The following ZNF839 variants were observed in gnomAD, a reference collection of about 807,000 sequenced individuals.
The protein encoded by ZNF839 is zinc finger protein 839, also known as renal carcinoma antigen NY-REN-50.
In ZNF839, 38 loss-of-function variants were observed where a neutral mutation model predicts 56.4. The ratio of observed to expected loss-of-function variants is 0.67; its 90% CI spans 0.52 to 0.88. The LOEUF is 0.88. ZNF839 is among the 40% of genes least tolerant of loss of function. The probability of loss-of-function intolerance (pLI) is 0.00; values close to 1 mark genes in which losing one functional copy is unlikely to be tolerated. For missense variants in ZNF839, 1,091 were observed against 1,177.6 expected (o/e 0.93, Z 1.08); for synonymous variants, 486 against 493.5 (o/e 0.98, Z 0.20).
At chr14:102,339,245 T>TG in intron 7 of ZNF839, 22 bp downstream of exon 7, 4 of 1,606,358 alleles carry the variant, frequency 2.5e-6, no homozygotes, top group Non-Finnish European at 3.4e-6. Flanking sequence ...ATGCTGTTTG[T>TG]GGGGTGTATC....
chr14:102,326,182 G>A lies in ZNF839; in HGVS notation c.486G>A (p.Gln162=). Residue 162 remains glutamine, a synonymous_variant, in exon 2 of 8, where the codon CAG becomes CAA. Transcript: ENST00000442396. This position sits in a 1 kb window ranked among gnomAD's most constrained non-coding sequence, Gnocchi z 4.3. ...RVQPLVRTEP[Q]SCFLSDLCQP... ...AGCCGCTTGTGAGAACCGAGCCACAGTCCTGCTTCCTAAGTGACTTATGCC... is the reference window on the plus strand; with the variant it reads ...AGCCGCTTGTGAGAACCGAGCCACAATCCTGCTTCCTAAGTGACTTATGCC... The A allele has an allele frequency of 6.2e-7, 1 of 1,613,816 alleles. No homozygotes were observed. The highest frequency in any genetic ancestry group is 8.5e-7 in the Non-Finnish European group (1 of 1,179,776).
Position 102,328,076 on chromosome 14 carries a change from C to T in ZNF839, c.1191+1189C>T, listed in dbSNP as rs140920266. On this transcript the variant is annotated intron_variant, in intron 2 of 7. Coordinates refer to ENST00000442396, the MANE Select transcript of ZNF839 (RefSeq NM_018335.6). ...TTTTTTCTAAAATATTTTATTGAGC[C>T]GGGTGCAGTGGCTCACACCTGTAAT... Among the ~76,000 whole-genome samples, 498 of 151,800 alleles carry T rather than the reference C, an allele frequency of 3.3e-3. 4 individuals carry two copies. Among genetic ancestry groups the T allele is most frequent in the African/African-American group, 0.011 (441 of 41,392 alleles).
rs774645474 is a variant in ZNF839, at chr14:102,326,428, A to G, written c.732A>G (p.Leu244=). Residue 244 remains leucine, a synonymous_variant, in exon 2 of 8, where the codon TTA becomes TTG. Coordinates refer to ENST00000442396, the MANE Select transcript of ZNF839 (RefSeq NM_018335.6). The surrounding 1 kb of genome is among the most constrained non-coding windows in gnomAD (Gnocchi z 4.3). ...ATACTGAGAAACTAAAAAAATCGTT[A>G]AAAGTAAAGACACGTTCTGGACGGG... The part of the protein sequence containing the change: ...TRHTEKLKKS[L]KVKTRSGRVS... 3 of 1,613,912 alleles carry G rather than the reference A, an allele frequency of 1.9e-6. No individual in the cohort carries two copies. The highest frequency in any genetic ancestry group is 3.3e-5 in the Admixed American group (2 of 59,998).
chr14:102,336,458 C>T (rs957799276), intron 5 of ZNF839, among the ~76,000 whole-genome samples: 1 of 151,954 alleles, frequency 6.6e-6, no homozygotes, highest in South Asian at 2.1e-4. Context: ...CCATGCCCAG[C>T]TGATTTTTTG....
At chr14:102,328,406 ATAT>A (rs1362665575) in intron 2 of ZNF839, among the ~76,000 whole-genome samples, 2 of 112,878 alleles carry the variant, frequency 1.8e-5, no homozygotes, top group Non-Finnish European at 3.5e-5. Context: ...ATATATATAT[ATAT>A]ATGTATACAC....
rs1250558345 is a variant in ZNF839, at chr14:102,332,369, G to A, written c.1416+523G>A. Among the ~76,000 whole-genome samples the A allele has an allele frequency of 6.6e-6, 1 of 151,866 alleles. No homozygotes were observed. Among genetic ancestry groups the A allele is most frequent in the Non-Finnish European group, 1.5e-5 (1 of 67,954 alleles). ...AGGCTGGTCTCAAACTCCCGACCTC[G>A]TGATCCACCCGCCTTGGCTTCCCAA... On this transcript the variant is annotated intron_variant, in intron 3 of 7. Coordinates refer to ENST00000442396, the MANE Select transcript of ZNF839 (RefSeq NM_018335.6). The surrounding 1 kb of genome is among the most constrained non-coding windows in gnomAD (Gnocchi z 4.9).
rs1001211388 is a variant in ZNF839, at chr14:102,319,814, G to A, written c.49G>A (p.Gly17Ser). 11 of 1,232,974 alleles carry A rather than the reference G, an allele frequency of 8.9e-6. No individual in the cohort carries two copies. The highest frequency in any genetic ancestry group is 7.9e-5 in the South Asian group (2 of 25,278). The allele number at this position is 1,232,974 out of a possible 1,614,324, so 76.4% of individuals were successfully genotyped here. A position where few individuals can be genotyped will look rare whatever the true frequency, so the allele number is the denominator to read the frequency against. Residue 17 changes from glycine to serine, a missense_variant, in exon 1 of 8, where the codon GGC becomes AGC. Physicochemically the swap from Gly to Ser is moderately conservative, Grantham distance 56. Transcript: ENST00000442396. The surrounding 1 kb of genome is among the most constrained non-coding windows in gnomAD (Gnocchi z 4.5). Reference protein sequence around the residue: ...EAGGGSEDGGGGGGPAPPGQS... With the variant: ...EAGGGSEDGGSGGGPAPPGQS... ...TGGGGGCGGCAGCGAGGATGGCGGC[G>A]GCGGCGGCGGCCCGGCTCCTCCGGG...
At position 102,319,820 on chromosome 14, in the gene ZNF839, G is replaced by C. The variant is rs1303986683; in HGVS notation, c.55G>C (p.Gly19Arg). The change falls in exon 1 of 8, where the codon GGC (glycine) becomes CGC (arginine). Residue 19 changes from glycine to arginine, a missense_variant. By Grantham distance (125) the Gly-to-Arg change is moderately radical. Transcript: ENST00000442396. This position sits in a 1 kb window ranked among gnomAD's most constrained non-coding sequence, Gnocchi z 4.5. ...CGGCAGCGAGGATGGCGGCGGCGGC[G>C]GCGGCCCGGCTCCTCCGGGCCAGAG... is the stretch of plus-strand genomic sequence containing the variant. ...GGGSEDGGGG[G>R]GPAPPGQSGS... The C allele has an allele frequency of 8.1e-7, 1 of 1,232,656 alleles. No homozygotes were observed. The highest frequency in any genetic ancestry group is 1.6e-5 in the African/African-American group (1 of 64,146). 76.4% of individuals were successfully genotyped at this position (1,232,656 alleles called of 1,614,324 possible).
At chr14:102,333,268 T>TC (rs1430173135) in intron 3 of ZNF839, among the ~76,000 whole-genome samples, 2 of 150,422 alleles carry the variant, frequency 1.3e-5, no homozygotes, top group East Asian at 3.9e-4. Context: ...AATCTTTTTT[T>TC]TTTTTTTTTT....
chr14:102,325,451 A>G (rs1360812730), intron 1 of ZNF839, among the ~76,000 whole-genome samples: 1 of 152,064 alleles, frequency 6.6e-6, no homozygotes, highest in Non-Finnish European at 1.5e-5. Context: ...ATATTTATAT[A>G]CACGTGTACT....
chr14:102,326,813 T>C lies in ZNF839; in HGVS notation c.1117T>C (p.Ser373Pro), dbSNP rs890279640. The change falls in exon 2 of 8, where the codon TCC becomes CCC. Residue 373 changes from serine (S) to proline (P), a missense_variant. By Grantham distance (74) the Ser-to-Pro change is moderately conservative. Coordinates refer to ENST00000442396, the MANE Select transcript of ZNF839 (RefSeq NM_018335.6). The surrounding 1 kb of genome is among the most constrained non-coding windows in gnomAD (Gnocchi z 4.3). Reference protein sequence around the residue: ...RTLSLTSLGLSMPADPCEGGA... With the variant: ...RTLSLTSLGLPMPADPCEGGA... Reference sequence around the variant, plus strand: ...GCTCAGCCTGACCTCCCTGGGGCTGTCCATGCCAGCGGATCCATGTGAGGG... The same window carrying C: ...GCTCAGCCTGACCTCCCTGGGGCTGCCCATGCCAGCGGATCCATGTGAGGG... 6.2e-7 allele frequency: 1 copy of C among 1,611,622 alleles called. No individual in the cohort carries two copies. The highest frequency in any genetic ancestry group is 1.3e-5 in the African/African-American group (1 of 74,884).
chr14:102,325,071 G>A (rs1355173869), intron 1 of ZNF839, among the ~76,000 whole-genome samples: 1 of 152,102 alleles, frequency 6.6e-6, no homozygotes, highest in African/African-American at 2.4e-5. Flanking sequence ...GTAGAATAGG[G>A]CTGGGCGTGG....
chr14:102,327,030 T>A, intron 2 of ZNF839, 143 bp downstream of exon 2: 2 of 1,040,560 alleles, frequency 1.9e-6, no homozygotes, highest in East Asian at 5.3e-5. Flanking sequence ...GGTGCTGGCA[T>A]CTGTTTAGCT....
chr14:102,323,198 G>A (rs1420676329), intron 1 of ZNF839, among the ~76,000 whole-genome samples: 1 of 152,220 alleles, frequency 6.6e-6, no homozygotes, highest in Admixed American at 6.5e-5. Flanking sequence ...GCCCCACAGG[G>A]GGCACTTGGC....
chr14:102,334,303 C>T (rs1266955726), intron 3 of ZNF839, among the ~76,000 whole-genome samples: 3 of 152,258 alleles, frequency 2.0e-5, no homozygotes, highest in Non-Finnish European at 4.4e-5. Flanking sequence ...CTCCTTATCA[C>T]CGTGTCCTTA....
Position 102,339,148 on chromosome 14 carries a change from A to G in ZNF839, c.1852A>G (p.Asn618Asp), listed in dbSNP as rs1247561957. 1 of 1,613,548 alleles carries G rather than the reference A, an allele frequency of 6.2e-7. No individual in the cohort carries two copies. Among genetic ancestry groups the G allele is most frequent in the Non-Finnish European group, 8.5e-7 (1 of 1,179,680 alleles). The change falls in exon 7 of 8, where the codon AAC becomes GAC. Residue 618 changes from asparagine (N) to aspartate (D), a missense_variant. Physicochemically the swap from Asn to Asp is conservative, Grantham distance 23. Transcript: ENST00000442396. ...VKRPRREALS[N>D]DTTESLAANS... ...AAGGCCCAGAAGAGAAGCCCTGTCC[A>G]ACGATACCACTGAATCTCTTGCTGC... is the stretch of plus-strand genomic sequence containing the variant.
Position 102,333,983 on chromosome 14 carries a change from G to T in ZNF839, c.1417-571G>T, listed in dbSNP as rs142243146. The stretch of plus-strand genomic sequence containing the variant: ...TGCTCTCCCCTCATCTCCCTCCCCT[G>T]CCACCCACATCCCTCTCCTTACCTG... On this transcript the variant is annotated intron_variant, in intron 3 of 7. Transcript: ENST00000442396. Among the ~76,000 whole-genome samples the T allele has an allele frequency of 5.8e-3, 888 of 152,216 alleles. 2 individuals are homozygous for T. The highest frequency in any genetic ancestry group is 0.02 in the African/African-American group (846 of 41,538).
At chr14:102,330,669 C>T (rs780458161) in intron 2 of ZNF839, among the ~76,000 whole-genome samples, 4 of 151,496 alleles carry the variant, frequency 2.6e-5, no homozygotes, top group East Asian at 1.9e-4. Context: ...AGGTGTGCAC[C>T]ATCACACCTG....
intron 5 of ZNF839, among the ~76,000 whole-genome samples, chr14:102,336,166 C>T (rs186335045): frequency 1.2e-3 from 187 of 150,498 alleles, no homozygotes; most frequent in African/African-American, 4.4e-3. Flanking sequence ...GTGACAGAGA[C>T]TCTGTCTCAA....
Sources: gnomAD v4.1 joint callset for allele counts (sites outside exome capture counted in the v4.1 genomes callset) on GRCh38, gnomAD v4.1.1 for gene constraint, Gnocchi (gnomAD v3.1) non-coding constraint, MANE v1.5 for transcripts, NCBI Gene and HGNC (gene_info 2026-07-23, HGNC 2026-07-21) for gene names.